DNAJC16: variants seen among roughly 807,000 people sequenced by gnomAD.
The protein encoded by DNAJC16 is DnaJ heat shock protein family (Hsp40) member C16.
DNAJC16 carries 76 observed loss-of-function variants against 92.7 expected under a neutral mutation model. That is an observed-to-expected ratio of 0.82 (90% CI 0.68 to 0.99). The LOEUF is 0.99. Ranked by LOEUF, DNAJC16 falls within the 50% of genes least tolerant of loss-of-function variation. The pLI, the probability that DNAJC16 is intolerant of heterozygous loss-of-function variation, is 0.00. For synonymous variants in DNAJC16, 328 were observed against 358.7 expected (o/e 0.91, Z 0.97); for missense variants, 869 against 942.4 (o/e 0.92, Z 1.02).
intron 7 of DNAJC16, among the ~76,000 whole-genome samples, chr1:15,551,447 G>GT: frequency 6.6e-6 from 1 of 152,140 alleles, no homozygotes. Flanking sequence ...AACAGATGAA[G>GT]TGATGTGGCA....
rs1710522953 is a variant in DNAJC16 at position 15,526,855 on chromosome 1, C to T, written c.-122C>T. ...CCTCGGGCTTGTCCCCTCCTCTTTC[C>T]CCTCCCCAGGCCCAGGCGAGCGCTG... On this transcript the variant is annotated 5_prime_UTR_variant, in exon 1 of 15. Transcript: ENST00000375847. The T allele has an allele frequency of 6.6e-6, 1 of 152,500 alleles. No homozygotes were observed. The highest frequency in any genetic ancestry group is 2.1e-4 in the South Asian group (1 of 4,838). 9.4% of individuals were successfully genotyped at this position (152,500 alleles called of 1,614,324 possible). A position where few individuals can be genotyped will look rare whatever the true frequency, so the allele number is the denominator to read the frequency against.
chr1:15,539,403 G>A (rs757595007), intron 4 of DNAJC16, among the ~76,000 whole-genome samples: 16 of 151,376 alleles, frequency 1.1e-4, no homozygotes, highest in Non-Finnish European at 5.9e-5. Flanking sequence ...CCATCACCAC[G>A]CCCGGCTAAT....
intron 7 of DNAJC16, among the ~76,000 whole-genome samples, chr1:15,549,731 G>A (rs903447418): frequency 2.0e-5 from 3 of 150,702 alleles, no homozygotes; most frequent in Admixed American, 6.6e-5. Context: ...GGAGAATGGC[G>A]TGAACCCAGG....
chr1:15,550,887 G>A (rs1440266649), intron 7 of DNAJC16, among the ~76,000 whole-genome samples: 2 of 152,078 alleles, frequency 1.3e-5, no homozygotes, highest in African/African-American at 4.8e-5. Flanking sequence ...TTTTGTTTTT[G>A]GAGACAGAAT....
intron 4 of DNAJC16, among the ~76,000 whole-genome samples, chr1:15,542,717 T>TA (rs1710961106): frequency 6.6e-6 from 1 of 152,206 alleles, no homozygotes; most frequent in Non-Finnish European, 1.5e-5. Context: ...TCTGGGTAGA[T>TA]AGTGTCAGAA....
chr1:15,545,341 G>A (rs1421726254), intron 5 of DNAJC16, among the ~76,000 whole-genome samples: 4 of 152,152 alleles, frequency 2.6e-5, no homozygotes, highest in African/African-American at 4.8e-5. Flanking sequence ...TTATCTATAG[G>A]AGAAATATTT....
At position 15,536,625 on chromosome 1, in the gene DNAJC16, C is replaced by G. The variant is rs779761416; in HGVS notation, c.385C>G (p.Pro129Ala). ...FYFDESFFHF[P>A]FNSERRDSID... ...TTTTGATGAATCCTTTTTTCACTTCCCTTTTAATTCTGAACGGCGGGACTC... is the reference window on the plus strand; with the variant it reads ...TTTTGATGAATCCTTTTTTCACTTCGCTTTTAATTCTGAACGGCGGGACTC... Residue 129 changes from proline to alanine, a missense_variant, in exon 4 of 15, where the codon CCT becomes GCT. Transcript: ENST00000375847. The G allele has an allele frequency of 6.2e-7, 1 of 1,613,978 alleles. No homozygotes were observed. The highest frequency in any genetic ancestry group is 8.5e-7 in the Non-Finnish European group (1 of 1,180,034).
intron 7 of DNAJC16, among the ~76,000 whole-genome samples, chr1:15,551,550 A>G (rs938542980): frequency 3.3e-5 from 5 of 151,766 alleles, no homozygotes; most frequent in Admixed American, 2.6e-4. Flanking sequence ...ACTGGCCATC[A>G]TGACAGCTTC....
intron 2 of DNAJC16, among the ~76,000 whole-genome samples, chr1:15,531,253 T>C (rs1284448930): frequency 2.0e-5 from 3 of 152,248 alleles, no homozygotes; most frequent in African/African-American, 7.2e-5. Context: ...CGCCTGACAC[T>C]GTTCTGCTTC....
At chr1:15,527,985 A>G (rs1710559854) in intron 1 of DNAJC16, among the ~76,000 whole-genome samples, 1 of 152,244 alleles carries the variant, frequency 6.6e-6, no homozygotes, top group Non-Finnish European at 1.5e-5. Context: ...ATTATTTCCA[A>G]AATTCACAAT....
Position 15,538,088 on chromosome 1 carries a change from C to T in DNAJC16, c.574+1274C>T, listed in dbSNP as rs1296792635. On this transcript the variant is annotated intron_variant, in intron 4 of 14. Transcript: ENST00000375847. Reference sequence around the variant, plus strand: ...TACCTGGGTTTGGCAATTTATTCACCATGACTTCCTGTTTAAAAAGAGAGA... The same window carrying T: ...TACCTGGGTTTGGCAATTTATTCACTATGACTTCCTGTTTAAAAAGAGAGA... Among the ~76,000 whole-genome samples the T allele has an allele frequency of 2.6e-5, 4 of 152,066 alleles. No individual in the cohort carries two copies. In the East Asian group the frequency reaches 7.7e-4, roughly 29 times the overall value.
In DNAJC16 at chr1:15,568,292, T is replaced by G. The variant is rs1638867719; in HGVS notation, c.*115T>G. 1 of 887,568 alleles carries G rather than the reference T, an allele frequency of 1.1e-6. No homozygotes were observed. The highest frequency in any genetic ancestry group is 1.7e-6 in the Non-Finnish European group (1 of 579,060). The allele number at this position is 887,568 out of a possible 1,614,324, so 55.0% of individuals were successfully genotyped here. A position where few individuals can be genotyped will look rare whatever the true frequency, so the allele number is the denominator to read the frequency against. The stretch of plus-strand genomic sequence containing the variant: ...CAGAGTATAGATTTTAGATTGCTCT[T>G]CTAGAACCATGGCTAGAAGAATCTT... On this transcript the variant is annotated 3_prime_UTR_variant, in exon 15 of 15. Transcript: ENST00000375847.
rs1422521534 is a variant in DNAJC16 at position 15,562,128 on chromosome 1, T to C, written c.1155-14T>C. 1 of 1,606,228 alleles carries C rather than the reference T, an allele frequency of 6.2e-7. No individual in the cohort carries two copies. Among genetic ancestry groups the C allele is most frequent in the Non-Finnish European group, 8.5e-7 (1 of 1,174,214 alleles). Reference sequence around the variant, plus strand: ...CAGGGATTGGTTATAAAGTTTTGTCTTTTTGTTGTGCAGGTACTGTGTGGT... The same window carrying C: ...CAGGGATTGGTTATAAAGTTTTGTCCTTTTGTTGTGCAGGTACTGTGTGGT... On this transcript the variant is annotated splice_polypyrimidine_tract_variant and intron_variant, in intron 8 of 14. Coordinates refer to ENST00000375847, the MANE Select transcript of DNAJC16 (RefSeq NM_015291.4).
At chr1:15,545,366 A>G (rs1383581290) in intron 5 of DNAJC16, among the ~76,000 whole-genome samples, 28 of 152,246 alleles carry the variant, frequency 1.8e-4, no homozygotes, top group Admixed American at 1.8e-3. Context: ...GAATTAACTT[A>G]AAAGTTTGTC....
Position 15,532,665 on chromosome 1 carries a change from G to C in DNAJC16, c.168-1572G>C, listed in dbSNP as rs551668966. Among the ~76,000 whole-genome samples, 15 of 151,666 alleles carry C rather than the reference G, an allele frequency of 9.9e-5. No individual in the cohort carries two copies. The East Asian group carries it at 2.9e-3, about 29-fold the overall frequency. On this transcript the variant is annotated intron_variant, in intron 2 of 14. Transcript: ENST00000375847. ...TTTTGATCCACTCAGTCGTCAGCCTGATGGTTTGGTTGATGGGTTGGTTTT... is the reference window on the plus strand; with the variant it reads ...TTTTGATCCACTCAGTCGTCAGCCTCATGGTTTGGTTGATGGGTTGGTTTT...
At chr1:15,546,535 T>G (rs1345089466) in intron 5 of DNAJC16, among the ~76,000 whole-genome samples, 1 of 152,210 alleles carries the variant, frequency 6.6e-6, no homozygotes, top group African/African-American at 2.4e-5. Context: ...GGTCAGTAAT[T>G]GTTTCAGACA....
At position 15,559,298 on chromosome 1, in the gene DNAJC16, T is replaced by C. The variant is rs150027781; in HGVS notation, c.1024-228T>C. Among the ~76,000 whole-genome samples, 22 of 152,304 alleles carry C rather than the reference T, an allele frequency of 1.4e-4. No homozygotes were observed. The East Asian group carries it at 4.2e-3, about 29-fold the overall frequency. On this transcript the variant is annotated intron_variant, in intron 7 of 14. Transcript: ENST00000375847. ...TGAATAAAAATTCTCCAGTGGAAAG[T>C]GTACTTGATTTTCCCTTTGACCCGA... is the stretch of plus-strand genomic sequence containing the variant.
intron 9 of DNAJC16, among the ~76,000 whole-genome samples, chr1:15,563,230 A>G (rs1001600022): frequency 6.6e-6 from 1 of 152,114 alleles, no homozygotes; most frequent in African/African-American, 2.4e-5. Flanking sequence ...GAAAGTCACC[A>G]TAAAAGTTAT....
At chr1:15,556,228 G>GTT (rs1425329860) in intron 7 of DNAJC16, among the ~76,000 whole-genome samples, 3 of 62,778 alleles carry the variant, frequency 4.8e-5, no homozygotes, top group African/African-American at 1.3e-4. Flanking sequence ...TGGTTGTTTT[G>GTT]TTTTGTTTTG....
Sources: gnomAD v4.1 joint callset for allele counts (sites outside exome capture counted in the v4.1 genomes callset) on GRCh38, gnomAD v4.1.1 for gene constraint, MANE v1.5 for transcripts, NCBI Gene and HGNC (gene_info 2026-07-23, HGNC 2026-07-21) for gene names.